SLC6A17: variants seen among roughly 807,000 people sequenced by gnomAD.
The protein encoded by SLC6A17 is sodium-dependent neutral amino acid transporter SLC6A17.
A neutral mutation model predicts 64.5 loss-of-function variants in SLC6A17; 21 were observed. The ratio of observed to expected loss-of-function variants is 0.33; its 90% CI spans 0.23 to 0.47. SLC6A17 has a LOEUF of 0.47. SLC6A17 is among the 20% of genes least tolerant of loss of function. The pLI, the probability that SLC6A17 is intolerant of heterozygous loss-of-function variation, is 1.00. For synonymous variants in SLC6A17, 372 were observed against 399.5 expected (o/e 0.93, Z 0.82); for missense variants, 682 against 963.2 (o/e 0.71, Z 3.86).
In SLC6A17 at chr1:110,198,310, G is replaced by A. The variant is rs1373778733; in HGVS notation, c.2050G>A (p.Ala684Thr). Residue 684 changes from alanine to threonine, a missense_variant, in exon 12 of 12, where the codon GCA becomes ACA. By Grantham distance (58) the Ala-to-Thr change is moderately conservative. Coordinates refer to ENST00000331565, the MANE Select transcript of SLC6A17 (RefSeq NM_001010898.4). ...RFILSKVPSEAPSPMPTHRSY... is the reference protein window; with the variant it reads ...RFILSKVPSETPSPMPTHRSY... ...CATCCTCAGCAAGGTGCCCAGTGAGGCACCTTCCCCCATGCCCACTCACCG... is the reference window on the plus strand; with the variant it reads ...CATCCTCAGCAAGGTGCCCAGTGAGACACCTTCCCCCATGCCCACTCACCG... The A allele has an allele frequency of 6.2e-7, 1 of 1,614,172 alleles. No individual in the cohort carries two copies. Among genetic ancestry groups the A allele is most frequent in the African/African-American group, 1.3e-5 (1 of 75,044 alleles).
At chr1:110,180,758 A>C (rs1013025313) in intron 6 of SLC6A17, among the ~76,000 whole-genome samples, 1 of 152,144 alleles carries the variant, frequency 6.6e-6, no homozygotes, top group Non-Finnish European at 1.5e-5. Flanking sequence ...CGTGCTGTGC[A>C]CTGCTCCATT....
intron 9 of SLC6A17, 119 bp from the exon 10 acceptor site, chr1:110,195,467 G>A: frequency 8.0e-7 from 1 of 1,254,422 alleles, no homozygotes; most frequent in Non-Finnish European, 1.1e-6. Flanking sequence ...GCTGGCAGGA[G>A]GGCTGCAGGC....
At chr1:110,154,467 C>A (rs11803000) in intron 1 of SLC6A17, among the ~76,000 whole-genome samples, 3 of 152,026 alleles carry the variant, frequency 2.0e-5, no homozygotes, top group Non-Finnish European at 4.4e-5. Flanking sequence ...AAGGGGAAAT[C>A]GGCCTGTACT....
intron 6 of SLC6A17, among the ~76,000 whole-genome samples, chr1:110,190,024 A>G (rs1444298371): frequency 6.6e-6 from 1 of 152,174 alleles, no homozygotes; most frequent in Non-Finnish European, 1.5e-5. Flanking sequence ...GGAGAGCCTG[A>G]TTGCTTCTAT....
At position 110,198,313 on chromosome 1, in the gene SLC6A17, C is replaced by T. The variant is rs141622274; in HGVS notation, c.2053C>T (p.Pro685Ser). The part of the protein sequence containing the change: ...FILSKVPSEA[P>S]SPMPTHRSYL... ...CCTCAGCAAGGTGCCCAGTGAGGCA[C>T]CTTCCCCCATGCCCACTCACCGTTC... The change falls in exon 12 of 12, where the codon CCT becomes TCT. Residue 685 changes from proline to serine, a missense_variant. This residue lies in a region of SLC6A17 where 264 missense variants were observed against 339.5 expected (regional missense o/e 0.78). Coordinates refer to ENST00000331565, the MANE Select transcript of SLC6A17 (RefSeq NM_001010898.4). 2.6e-4 allele frequency: 416 copies of T among 1,614,182 alleles called. No individual in the cohort carries two copies. The highest frequency in any genetic ancestry group is 3.3e-4 in the Non-Finnish European group (391 of 1,180,020).
chr1:110,194,915 G>GATTAGC, intron 9 of SLC6A17, 144 bp downstream of exon 9: 1 of 1,009,668 alleles, frequency 9.9e-7, no homozygotes. Context: ...GCCTGGCTGT[G>GATTAGC]CCACTCAGTG....
chr1:110,163,005 C>T (rs1160952736), intron 1 of SLC6A17, among the ~76,000 whole-genome samples: 1 of 138,972 alleles, frequency 7.2e-6, no homozygotes, highest in African/African-American at 2.8e-5. Flanking sequence ...GCAGGATCAC[C>T]AACCCATGTT....
Position 110,173,896 on chromosome 1 carries a change from CTGGGCCT to C in SLC6A17, c.445-76_445-70del. ...CTGTGTTTATGGCGCTGCCGACGTG[CTGGGCCT>C]CGGGTGGAGCGTGGGGGCAGGGTGG... is the stretch of plus-strand genomic sequence containing the variant. On this transcript the variant is annotated intron_variant, in intron 3 of 11. Coordinates refer to ENST00000331565, the MANE Select transcript of SLC6A17 (RefSeq NM_001010898.4). The C allele has an allele frequency of 7.2e-6, 11 of 1,517,618 alleles. No homozygotes were observed. The South Asian group carries it at 8.2e-5, about 11-fold the overall frequency. The allele number at this position is 1,517,618 out of a possible 1,614,324, so 94.0% of individuals were successfully genotyped here.
chr1:110,169,261 A>G (rs1437929333), intron 2 of SLC6A17, among the ~76,000 whole-genome samples: 1 of 152,134 alleles, frequency 6.6e-6, no homozygotes, highest in African/African-American at 2.4e-5. Flanking sequence ...TCTTCTGTTT[A>G]TTTTTATGAG....
rs945211664 is a variant in SLC6A17 at position 110,197,668 on chromosome 1, G to A, written c.1815+69G>A. On this transcript the variant is annotated intron_variant, in intron 11 of 11. Transcript: ENST00000331565. ...CAGGCCTTGAATGCAACCACTGATA[G>A]GGATACACCTTTCTAGGGCAGCTGC... is the stretch of plus-strand genomic sequence containing the variant. 2.0e-6 allele frequency: 3 copies of A among 1,475,402 alleles called. No homozygotes were observed. The African/African-American group carries it at 4.2e-5, about 21-fold the overall frequency. The allele number at this position is 1,475,402 out of a possible 1,614,324, so 91.4% of individuals were successfully genotyped here. A position where few individuals can be genotyped will look rare whatever the true frequency, so the allele number is the denominator to read the frequency against.
chr1:110,152,649 C>T (rs960451397), intron 1 of SLC6A17, among the ~76,000 whole-genome samples: 29 of 152,232 alleles, frequency 1.9e-4, no homozygotes, highest in Admixed American at 1.5e-3. Context: ...AGGAAAGGCT[C>T]TGTGATTGTG....
chr1:110,185,628 G>A (rs10776704), intron 6 of SLC6A17, among the ~76,000 whole-genome samples: 1 of 151,616 alleles, frequency 6.6e-6, no homozygotes, highest in African/African-American at 2.4e-5. Flanking sequence ...GGGGCGAGCC[G>A]CCTTTTCTGA....
intron 9 of SLC6A17, chr1:110,195,041 T>G: frequency 2.0e-6 from 1 of 508,454 alleles, no homozygotes; most frequent in Non-Finnish European, 3.6e-6. Flanking sequence ...CCCAAGGGCC[T>G]GCTGAGTCGT....
At position 110,192,516 on chromosome 1, in the gene SLC6A17, A is replaced by G; in HGVS notation, c.1117A>G (p.Lys373Glu). The change falls in exon 8 of 12, where the codon AAA becomes GAA. Residue 373 changes from lysine to glutamate, a missense_variant. By Grantham distance (56) the Lys-to-Glu change is moderately conservative. This residue lies in a region of SLC6A17 where 415 missense variants were observed against 603.8 expected (regional missense o/e 0.69). Coordinates refer to ENST00000331565, the MANE Select transcript of SLC6A17 (RefSeq NM_001010898.4). The surrounding 1 kb of genome is among the most constrained non-coding windows in gnomAD (Gnocchi z 4.3). ...GGTTTTGTGCTGCAGGAATGCTGAG[A>G]AAATCCTAGGGTACCTTAACACCAA... ...NEKCVVENAE[K>E]ILGYLNTNVL... The G allele has an allele frequency of 1.2e-6, 2 of 1,613,142 alleles. No individual in the cohort carries two copies. The highest frequency in any genetic ancestry group is 1.3e-5 in the African/African-American group (1 of 75,010).
Position 110,198,946 on chromosome 1 carries a change from A to G in SLC6A17, c.*502A>G, listed in dbSNP as rs1657046901. 1 of 154,046 alleles carries G rather than the reference A, an allele frequency of 6.5e-6. No individual in the cohort carries two copies. The highest frequency in any genetic ancestry group is 1.4e-5 in the Non-Finnish European group (1 of 69,396). The allele number at this position is 154,046 out of a possible 1,614,324, so 9.5% of individuals were successfully genotyped here. ...CCCAGACGGGGTTGCTCCTGGTCCAAGAGGCTACCTGCTCCAAGGCGGAGG... is the reference window on the plus strand; with the variant it reads ...CCCAGACGGGGTTGCTCCTGGTCCAGGAGGCTACCTGCTCCAAGGCGGAGG... On this transcript the variant is annotated 3_prime_UTR_variant, in exon 12 of 12. Transcript: ENST00000331565.
intron 8 of SLC6A17, among the ~76,000 whole-genome samples, chr1:110,194,049 GT>G (rs1656897239): frequency 6.6e-6 from 1 of 152,012 alleles, no homozygotes; most frequent in African/African-American, 2.4e-5. Flanking sequence ...ATTTTTGTTT[GT>G]TTTAAAAAAA....
rs751013671 is a variant in SLC6A17 at position 110,192,566 on chromosome 1, A to C, written c.1167A>C (p.Pro389=). The change falls in exon 8 of 12, where the codon CCA becomes CCC. Residue 389 remains proline, a synonymous_variant. Transcript: ENST00000331565. This position sits in a 1 kb window ranked among gnomAD's most constrained non-coding sequence, Gnocchi z 4.3. ...NTNVLSRDLI[P]PHVNFSHLTT... ...ACGTCCTGAGCCGGGACCTCATCCCACCCCACGTCAACTTCTCCCACCTGA... is the reference window on the plus strand; with the variant it reads ...ACGTCCTGAGCCGGGACCTCATCCCCCCCCACGTCAACTTCTCCCACCTGA... The C allele has an allele frequency of 6.2e-7, 1 of 1,614,028 alleles. No individual in the cohort carries two copies. The highest frequency in any genetic ancestry group is 1.1e-5 in the South Asian group (1 of 91,072).
intron 8 of SLC6A17, among the ~76,000 whole-genome samples, chr1:110,193,149 G>A (rs1410735327): frequency 1.3e-5 from 2 of 152,210 alleles, no homozygotes; most frequent in African/African-American, 4.8e-5. Flanking sequence ...CCTTACAGAT[G>A]AGTAGCCTAT....
intron 6 of SLC6A17, among the ~76,000 whole-genome samples, chr1:110,188,985 T>C (rs1364046989): frequency 1.3e-5 from 2 of 152,194 alleles, no homozygotes; most frequent in African/African-American, 4.8e-5. Context: ...CTCCAGGCTC[T>C]GGGTTTTCCT....
Sources: gnomAD v4.1 joint callset for allele counts (sites outside exome capture counted in the v4.1 genomes callset) on GRCh38, gnomAD v4.1.1 for gene constraint, gnomAD v4.1.1 regional missense constraint, Gnocchi (gnomAD v3.1) non-coding constraint, MANE v1.5 for transcripts, NCBI Gene and HGNC (gene_info 2026-07-23, HGNC 2026-07-21) for gene names.